PDK1: variants seen among roughly 807,000 people sequenced by gnomAD.
PDK1 encodes pyruvate dehydrogenase kinase 1.
Under a neutral mutation model 54.2 loss-of-function variants are expected in PDK1, and 39 were observed. That is an observed-to-expected ratio of 0.72 (90% CI 0.56 to 0.94). PDK1 has a LOEUF of 0.94. PDK1 is among the 40% of genes least tolerant of loss of function. The pLI, the probability that PDK1 is intolerant of heterozygous loss-of-function variation, is 0.00. For missense variants in PDK1, 552 were observed against 566.0 expected, an observed-to-expected ratio of 0.98 and a Z score of 0.25; for synonymous variants, 221 against 207.1, an observed-to-expected ratio of 1.07 and a Z score of -0.58.
chr2:172,556,219 C>T lies in PDK1; in HGVS notation c.69C>T (p.Gly23=). 3 of 1,428,890 alleles carry T rather than the reference C, an allele frequency of 2.1e-6. No homozygotes were observed. The highest frequency in any genetic ancestry group is 2.7e-6 in the Non-Finnish European group (3 of 1,098,640). 88.5% of individuals were successfully genotyped at this position (1,428,890 alleles called of 1,614,324 possible). The change falls in exon 1 of 11, where the codon GGC becomes GGT. Residue 23 remains glycine, a synonymous_variant. Transcript: ENST00000282077. ...AGPGPGLRAA[G]FSRSFSSDSG... ...CGGGCCCGGGGCTGCGCGCCGCCGG[C>T]TTCAGCCGCAGCTTCAGCTCGGACT... is the stretch of plus-strand genomic sequence containing the variant.
At chr2:172,655,705 C>T in the PDK1 span, among the ~76,000 whole-genome samples, 1 of 152,334 alleles carries the variant, frequency 6.6e-6, no homozygotes, top group African/African-American at 2.4e-5. Flanking sequence ...GGCAGCTGGA[C>T]AAGTGCAGGA....
chr2:172,590,579 C>T (rs1289469242), intron 9 of PDK1, among the ~76,000 whole-genome samples: 5 of 152,116 alleles, frequency 3.3e-5, no homozygotes, highest in African/African-American at 7.2e-5. Flanking sequence ...AGTGAAGCTG[C>T]AGACCTTCGT....
In PDK1 at chr2:172,601,670, G is replaced by C. The variant is rs1691121045; in HGVS notation, c.*5701G>C. 6.6e-6 allele frequency: 1 copy of C among 152,138 alleles called. No homozygotes were observed. The highest frequency in any genetic ancestry group is 1.5e-5 in the Non-Finnish European group (1 of 68,042). The allele number at this position is 152,138 out of a possible 1,614,324, so 9.4% of individuals were successfully genotyped here. A position where few individuals can be genotyped will look rare whatever the true frequency, so the allele number is the denominator to read the frequency against. The stretch of plus-strand genomic sequence containing the variant: ...CCGTCTCAGGCAGTTCTTTATAGCA[G>C]TGTGGGGATGGACTAATACTCGCTG... On this transcript the variant is annotated 3_prime_UTR_variant, in exon 11 of 11. Coordinates refer to ENST00000282077, the MANE Select transcript of PDK1 (RefSeq NM_002610.5).
the PDK1 span, among the ~76,000 whole-genome samples, chr2:172,687,833 C>T: frequency 6.6e-6 from 1 of 152,158 alleles, no homozygotes; most frequent in Admixed American, 6.5e-5. Context: ...GAGTCAATTG[C>T]CCCGACAAGA....
the PDK1 span, among the ~76,000 whole-genome samples, chr2:172,661,558 G>A: frequency 6.6e-6 from 1 of 152,126 alleles, no homozygotes; most frequent in Non-Finnish European, 1.5e-5. Context: ...TTGAAAGCCA[G>A]GGCTTGATTT....
chr2:172,583,281 G>GGTTT (rs1690012108), intron 8 of PDK1, among the ~76,000 whole-genome samples: 1 of 77,058 alleles, frequency 1.3e-5, no homozygotes, highest in Non-Finnish European at 2.3e-5. Context: ...AAGTTTTCTG[G>GGTTT]TTTTTTTTTT....
intron 2 of PDK1, among the ~76,000 whole-genome samples, chr2:172,559,051 C>A (rs544347957): frequency 6.6e-6 from 1 of 152,096 alleles, no homozygotes; most frequent in South Asian, 2.1e-4. Context: ...CGGGTTCAGG[C>A]GATTCTCCTG....
the PDK1 span, among the ~76,000 whole-genome samples, chr2:172,690,074 T>A: frequency 6.7e-6 from 1 of 150,148 alleles, no homozygotes; most frequent in Non-Finnish European, 1.5e-5. Flanking sequence ...ACCTACAGAA[T>A]GGGAGAAAAT....
chr2:172,578,720 TTTG>T, intron 8 of PDK1, among the ~76,000 whole-genome samples: 1 of 151,756 alleles, frequency 6.6e-6, no homozygotes, highest in Admixed American at 6.6e-5. Context: ...CAAGGCTGTC[TTTG>T]TTGTTGTTTT....
rs760592280 is a variant in PDK1, at chr2:172,604,236, C to T, written c.*8267C>T. 6 of 152,206 alleles carry T rather than the reference C, an allele frequency of 3.9e-5. No individual in the cohort carries two copies. The highest frequency in any genetic ancestry group is 8.8e-5 in the Non-Finnish European group (6 of 68,054). 9.4% of individuals were successfully genotyped at this position (152,206 alleles called of 1,614,324 possible). A position where few individuals can be genotyped will look rare whatever the true frequency, so the allele number is the denominator to read the frequency against. On this transcript the variant is annotated 3_prime_UTR_variant, in exon 11 of 11. Transcript: ENST00000282077. ...AGCTGGGATTACAGGCGAGCGCCATCATGCCTGACTAATTTTCGTATTTTT... is the reference window on the plus strand; with the variant it reads ...AGCTGGGATTACAGGCGAGCGCCATTATGCCTGACTAATTTTCGTATTTTT...
Position 172,604,514 on chromosome 2 carries a change from T to G in PDK1, c.*8545T>G, listed in dbSNP as rs1691222910. ...AATTTTTTTAAAAAAACGTTTTTCC[T>G]CTCCAATGTTCATTGCTAATACATT... On this transcript the variant is annotated 3_prime_UTR_variant, in exon 11 of 11. Coordinates refer to ENST00000282077, the MANE Select transcript of PDK1 (RefSeq NM_002610.5). The G allele has an allele frequency of 6.6e-6, 1 of 152,224 alleles. No individual in the cohort carries two copies. The highest frequency in any genetic ancestry group is 6.5e-5 in the Admixed American group (1 of 15,274). The allele number at this position is 152,224 out of a possible 1,614,324, so 9.4% of individuals were successfully genotyped here.
chr2:172,656,247 T>C, the PDK1 span, among the ~76,000 whole-genome samples: 1 of 152,174 alleles, frequency 6.6e-6, no homozygotes, highest in Non-Finnish European at 1.5e-5. Context: ...AATCCCACAT[T>C]ATGAAAATAC....
chr2:172,643,423 G>A, the PDK1 span, among the ~76,000 whole-genome samples: 2 of 152,228 alleles, frequency 1.3e-5, no homozygotes, highest in African/African-American at 4.8e-5. Flanking sequence ...GCAGTGGGGT[G>A]TGGCCGTGAG....
the PDK1 span, among the ~76,000 whole-genome samples, chr2:172,676,364 A>G: frequency 6.6e-6 from 1 of 152,212 alleles, no homozygotes; most frequent in Non-Finnish European, 1.5e-5. Flanking sequence ...TCACTATTCT[A>G]GGTGCCATTA....
the PDK1 span, among the ~76,000 whole-genome samples, chr2:172,643,673 G>A: frequency 6.6e-6 from 1 of 152,114 alleles, no homozygotes; most frequent in Non-Finnish European, 1.5e-5. Context: ...TGGATGTATG[G>A]GCTGGAATGT....
At chr2:172,635,563 T>A in the PDK1 span, among the ~76,000 whole-genome samples, 1 of 152,140 alleles carries the variant, frequency 6.6e-6, no homozygotes, top group African/African-American at 2.4e-5. Flanking sequence ...TGATTTACCT[T>A]CCTTGGCCTC....
At chr2:172,588,991 G>T (rs894738140) in intron 9 of PDK1, among the ~76,000 whole-genome samples, 1 of 152,202 alleles carries the variant, frequency 6.6e-6, no homozygotes, top group African/African-American at 2.4e-5. Flanking sequence ...CCTTGAGAGG[G>T]ATTGTAGTAG....
At chr2:172,573,505 GTATA>G (rs71403316) in intron 8 of PDK1, among the ~76,000 whole-genome samples, 2 of 150,460 alleles carry the variant, frequency 1.3e-5, no homozygotes, top group African/African-American at 4.9e-5. Context: ...CTATGTGTGT[GTATA>G]TATATACACA....
upstream of PDK1, chr2:172,555,952 C>CCCTTTTCTCTCCCCGCCT (rs1688288107): frequency 2.5e-6 from 1 of 401,668 alleles, no homozygotes; most frequent in Non-Finnish European, 4.4e-6. Flanking sequence ...AAGCGCCCGC[C>CCCTTTTCTCTCCCCGCCT]CCTTTTCTCT....
Sources: gnomAD v4.1 joint callset for allele counts (sites outside exome capture counted in the v4.1 genomes callset) on GRCh38, gnomAD v4.1.1 for gene constraint, MANE v1.5 for transcripts, NCBI Gene and HGNC (gene_info 2026-07-23, HGNC 2026-07-21) for gene names.